The following RNF157 variants were observed in gnomAD, a reference collection of about 807,000 sequenced individuals.
RNF157 encodes the protein ring finger protein 157.
Under a neutral mutation model 88.3 loss-of-function variants are expected in RNF157, and 55 were observed. The ratio of observed to expected loss-of-function variants is 0.62; its 90% CI spans 0.50 to 0.78. The LOEUF is 0.78. Among genes scored for constraint, RNF157 ranks in the 30% least tolerant of loss-of-function variants. RNF157 has a pLI of 0.00. For synonymous variants in RNF157, 334 were observed against 341.2 expected, an observed-to-expected ratio of 0.98 and a Z score of 0.23; for missense variants, 788 against 860.8, an observed-to-expected ratio of 0.92 and a Z score of 1.06.
intron 1 of RNF157, among the ~76,000 whole-genome samples, chr17:76,239,539 A>ACC (rs571680941): frequency 6.9e-5 from 5 of 72,092 alleles, no homozygotes; most frequent in African/African-American, 2.0e-4. Context: ...CACCACCACC[A>ACC]CCCCCCCCAC....
chr17:76,195,694 T>C lies in RNF157; in HGVS notation c.207+16670A>G, dbSNP rs1180955607. Among the ~76,000 whole-genome samples, 1 of 152,300 alleles carries C rather than the reference T, an allele frequency of 6.6e-6. No individual in the cohort carries two copies. Among genetic ancestry groups the C allele is most frequent in the Non-Finnish European group, 1.5e-5 (1 of 68,040 alleles). On this transcript the variant is annotated intron_variant, in intron 2 of 18. Transcript: ENST00000269391. The surrounding 1 kb of genome is among the most constrained non-coding windows in gnomAD (Gnocchi z 4.4). ...ATGAAATACTATGCAGCAATGGAAA[T>C]GAACCGTACACAGCACAGGAATAGT...
chr17:76,166,914 G>A lies in RNF157; in HGVS notation c.561+95C>T, dbSNP rs148302316. ...GCTGAAAGGTAAGCATGGCCTTCAA[G>A]CATCCGAGCAGCCCCTTTGCTGTCA... is the stretch of plus-strand genomic sequence containing the variant. On this transcript the variant is annotated intron_variant, in intron 5 of 18. Transcript: ENST00000269391. 2.0e-3 allele frequency: 1,535 copies of A among 761,094 alleles called. 13 individuals are homozygous for A. In the African/African-American group the frequency reaches 0.022, roughly 11 times the overall value. 47.1% of individuals were successfully genotyped at this position (761,094 alleles called of 1,614,324 possible).
intron 1 of RNF157, among the ~76,000 whole-genome samples, chr17:76,216,592 AAAT>A (rs367862624): frequency 2.6e-5 from 4 of 151,700 alleles, no homozygotes; most frequent in Non-Finnish European, 5.9e-5. Flanking sequence ...GTATATTTAA[AAAT>A]AATAATAATA....
Position 76,156,015 on chromosome 17 carries a change from A to G in RNF157, c.1525+195T>C, listed in dbSNP as rs556789822. 6.6e-5 allele frequency among the ~76,000 whole-genome samples: 10 copies of G among 152,232 alleles called. No homozygotes were observed. In the East Asian group the frequency reaches 1.9e-3, roughly 29 times the overall value. ...GAGGACTGGGGCTGAGAGAATTAAC[A>G]CCCCACTAGCTACAGGCAAGCCTGC... On this transcript the variant is annotated intron_variant, in intron 14 of 18. Transcript: ENST00000269391.
intron 2 of RNF157, among the ~76,000 whole-genome samples, chr17:76,205,617 T>C (rs980749596): frequency 3.3e-5 from 5 of 151,604 alleles, no homozygotes; most frequent in Admixed American, 3.3e-4. Flanking sequence ...CCCAGCTACT[T>C]GGGAGGCTGA....
intron 2 of RNF157, chr17:76,175,865 C>G (rs2069094961): frequency 1.3e-6 from 1 of 764,592 alleles, no homozygotes; most frequent in Non-Finnish European, 1.6e-6. Context: ...TCCTGGCACT[C>G]TTTATCCTCC....
intron 2 of RNF157, among the ~76,000 whole-genome samples, chr17:76,175,051 A>G (rs562449594): frequency 1.1e-4 from 16 of 152,328 alleles, no homozygotes; most frequent in African/African-American, 3.8e-4. Flanking sequence ...CAAAATTAAC[A>G]TTATGGAATA....
chr17:76,214,555 T>G (rs891732486), intron 1 of RNF157, among the ~76,000 whole-genome samples: 5 of 152,144 alleles, frequency 3.3e-5, no homozygotes, highest in Non-Finnish European at 7.3e-5. Flanking sequence ...GATAATACAG[T>G]TATCCCTGGC....
intron 2 of RNF157, among the ~76,000 whole-genome samples, chr17:76,196,199 G>A (rs1314266517): frequency 2.6e-5 from 4 of 152,190 alleles, no homozygotes; most frequent in African/African-American, 4.8e-5. Flanking sequence ...CCTGAGCAAA[G>A]CCAAGGACCC....
chr17:76,201,177 A>C (rs992110660), intron 2 of RNF157, among the ~76,000 whole-genome samples: 6 of 152,050 alleles, frequency 3.9e-5, no homozygotes, highest in Non-Finnish European at 7.4e-5. Context: ...ACTGGAAAAA[A>C]TTCAAACAAC....
At chr17:76,159,144 T>C (rs2068810099) in intron 12 of RNF157, among the ~76,000 whole-genome samples, 191 bp downstream of exon 12, 1 of 152,172 alleles carries the variant, frequency 6.6e-6, no homozygotes, top group Non-Finnish European at 1.5e-5. Flanking sequence ...TCATCAGAGT[T>C]TTCTTAAGTA....
chr17:76,167,805 A>C lies in RNF157; in HGVS notation c.297-8T>G. The C allele has an allele frequency of 6.2e-7, 1 of 1,610,352 alleles. No homozygotes were observed. The highest frequency in any genetic ancestry group is 8.5e-7 in the Non-Finnish European group (1 of 1,178,716). ...TTCACTTCCTCAGCACATCTAGAAA[A>C]CCAGAGACTCAGCATTTGCAGAGTA... On this transcript the variant is annotated splice_region_variant and splice_polypyrimidine_tract_variant and intron_variant, in intron 3 of 18. Coordinates refer to ENST00000269391, the MANE Select transcript of RNF157 (RefSeq NM_052916.3).
chr17:76,232,520 C>T lies in RNF157; in HGVS notation c.88+7633G>A, dbSNP rs138242013. Reference sequence around the variant, plus strand: ...AGCTGATGTACACTTGGATTATTTCCAGTTTCTTGGCTATTATGAGCAATG... The same window carrying T: ...AGCTGATGTACACTTGGATTATTTCTAGTTTCTTGGCTATTATGAGCAATG... On this transcript the variant is annotated intron_variant, in intron 1 of 18. Transcript: ENST00000269391. Among the ~76,000 whole-genome samples the T allele has an allele frequency of 7.6e-3, 1,154 of 152,202 alleles. 13 individuals carry two copies. Among genetic ancestry groups the T allele is most frequent in the African/African-American group, 0.026 (1,090 of 41,510 alleles).
At chr17:76,188,089 C>G (rs531562694) in intron 2 of RNF157, among the ~76,000 whole-genome samples, 1 of 152,174 alleles carries the variant, frequency 6.6e-6, no homozygotes, top group Admixed American at 6.5e-5. Flanking sequence ...TTCTGTAAAC[C>G]AAGTGAACTA....
chr17:76,203,744 G>A (rs1027565083), intron 2 of RNF157, among the ~76,000 whole-genome samples: 1 of 147,230 alleles, frequency 6.8e-6, no homozygotes, highest in Admixed American at 6.8e-5. Flanking sequence ...GACCCACCAC[G>A]CCTGGCCTGT....
intron 1 of RNF157, 54 bp from the exon 2 acceptor site, chr17:76,212,536 T>G: frequency 2.7e-6 from 3 of 1,131,260 alleles, no homozygotes; most frequent in Non-Finnish European, 3.9e-6. Flanking sequence ...TCAACCTAAA[T>G]CTAGTAAAAA....
In RNF157 at chr17:76,216,697, C is replaced by T. The variant is rs79962229; in HGVS notation, c.89-4215G>A. On this transcript the variant is annotated intron_variant, in intron 1 of 18. Transcript: ENST00000269391. ...TATCTACTGACATTAAAAATGTTCA[C>T]AATATATTATAATTAGACCCTTGTC... 6.3e-3 allele frequency among the ~76,000 whole-genome samples: 956 copies of T among 151,910 alleles called. 7 individuals carry two copies. The highest frequency in any genetic ancestry group is 0.021 in the African/African-American group (886 of 41,424).
intron 2 of RNF157, among the ~76,000 whole-genome samples, chr17:76,198,714 T>A (rs2069519983): frequency 6.6e-6 from 1 of 152,212 alleles, no homozygotes; most frequent in Non-Finnish European, 1.5e-5. Context: ...ATCTGAGAGA[T>A]CTTTTAAAAT....
chr17:76,167,239 G>C (rs980288134), intron 4 of RNF157, 113 bp from the exon 5 acceptor site: 8 of 802,312 alleles, frequency 1.0e-5, no homozygotes, highest in Admixed American at 9.6e-5. Flanking sequence ...GCGAAGAGAA[G>C]AAAGGGTCCT....
Sources: allele counts gnomAD v4.1 joint callset (sites outside exome capture counted in the v4.1 genomes callset), GRCh38; gene constraint gnomAD v4.1.1; non-coding constraint Gnocchi (gnomAD v3.1); transcripts MANE v1.5; gene names NCBI Gene and HGNC (gene_info 2026-07-23, HGNC 2026-07-21).